ADAM23: variants seen among roughly 807,000 people sequenced by gnomAD.
ADAM23 encodes the protein ADAM metallopeptidase domain 23.
In ADAM23, 33 loss-of-function variants were observed where a neutral mutation model predicts 120.1. The ratio of observed to expected loss-of-function variants is 0.27; its 90% confidence interval spans 0.21 to 0.37. The LOEUF is 0.37. ADAM23 is among the 10% of genes least tolerant of loss of function. ADAM23 has a pLI of 1.00. For synonymous variants in ADAM23, 367 were observed against 375.2 expected (o/e 0.98, Z 0.25); for missense variants, 862 against 1,058.2 (o/e 0.81, Z 2.57).
intron 6 of ADAM23, among the ~76,000 whole-genome samples, chr2:206,543,603 C>G (rs1468229006): frequency 6.6e-6 from 1 of 152,110 alleles, no homozygotes. Flanking sequence ...ATTAGCCAGC[C>G]TCCTTACTTT....
chr2:206,605,345 T>C (rs1205832988), intron 24 of ADAM23, among the ~76,000 whole-genome samples: 1 of 152,240 alleles, frequency 6.6e-6, no homozygotes, highest in Admixed American at 6.5e-5. Flanking sequence ...TAAGGATCTT[T>C]GCAAAACTGA....
rs137944479 is a variant in ADAM23, at chr2:206,559,966, G to T, written c.1017G>T (p.Glu339Asp). The change falls in exon 11 of 26, where the codon GAG (glutamate) becomes GAT (aspartate). Residue 339 changes from glutamate (E) to aspartate (D), a missense_variant. Transcript: ENST00000264377. ...TTGTATACCCTCAGATTTACAAGGA[G>T]CAGCTCAACACCAGGGTTGTCCTGG... Reference protein sequence around the residue: ...VVNLVDSIYKEQLNTRVVLVA... With the variant: ...VVNLVDSIYKDQLNTRVVLVA... 28 of 1,613,258 alleles carry T rather than the reference G, an allele frequency of 1.7e-5. No homozygotes were observed. The highest frequency in any genetic ancestry group is 2.2e-5 in the Non-Finnish European group (26 of 1,179,636).
chr2:206,585,893 C>T (rs1266985947), intron 18 of ADAM23, among the ~76,000 whole-genome samples: 1 of 152,130 alleles, frequency 6.6e-6, no homozygotes. Context: ...CCCTTAAAGC[C>T]CTTATCCTAA....
chr2:206,484,407 C>A (rs1387894947), intron 3 of ADAM23, among the ~76,000 whole-genome samples: 3 of 152,078 alleles, frequency 2.0e-5, no homozygotes, highest in Non-Finnish European at 4.4e-5. Context: ...TTGTGTATTT[C>A]TTTCTGGTGT....
intron 15 of ADAM23, among the ~76,000 whole-genome samples, chr2:206,570,307 A>G (rs1375816768): frequency 6.6e-6 from 1 of 152,208 alleles, no homozygotes; most frequent in East Asian, 1.9e-4. Context: ...ACATTTGGCT[A>G]TGACTGAAGC....
intron 9 of ADAM23, among the ~76,000 whole-genome samples, chr2:206,553,260 T>C (rs901442498): frequency 6.6e-6 from 1 of 151,750 alleles, no homozygotes; most frequent in African/African-American, 2.4e-5. Context: ...TACATACACA[T>C]ATACATATAC....
At chr2:206,570,839 C>G in intron 16 of ADAM23, 28 bp downstream of exon 16, 1 of 1,585,652 alleles carries the variant, frequency 6.3e-7, no homozygotes, top group Non-Finnish European at 8.7e-7. Flanking sequence ...TCTATACTTA[C>G]AGCACAGATC....
intron 13 of ADAM23, among the ~76,000 whole-genome samples, chr2:206,563,948 T>G (rs1045592529): frequency 8.6e-5 from 13 of 152,030 alleles, no homozygotes; most frequent in African/African-American, 3.1e-4. Flanking sequence ...GCCAGTATGG[T>G]CTCGATCTCC....
chr2:206,568,967 C>T (rs1046499484), intron 15 of ADAM23, among the ~76,000 whole-genome samples: 1 of 152,166 alleles, frequency 6.6e-6, no homozygotes, highest in Non-Finnish European at 1.5e-5. Flanking sequence ...ACAGGACTTT[C>T]AAAGTGACCT....
At chr2:206,501,817 A>G (rs1214922222) in intron 3 of ADAM23, among the ~76,000 whole-genome samples, 1 of 152,124 alleles carries the variant, frequency 6.6e-6, no homozygotes, top group African/African-American at 2.4e-5. Context: ...CTGTCTGTTA[A>G]GAGAGAAGTT....
intron 22 of ADAM23, among the ~76,000 whole-genome samples, chr2:206,594,501 A>C (rs73983052): frequency 6.6e-6 from 1 of 152,290 alleles, no homozygotes; most frequent in African/African-American, 2.4e-5. Context: ...CTTTGTGCAA[A>C]TGACATTTTT....
At chr2:206,606,601 T>A (rs996993033) in intron 24 of ADAM23, 1 of 152,182 alleles carries the variant, frequency 6.6e-6, no homozygotes, top group Admixed American at 6.5e-5. Flanking sequence ...TAAATAAATA[T>A]ATTGTGTGCC....
At chr2:206,573,309 T>C in intron 18 of ADAM23, 114 bp downstream of exon 18, 1 of 986,636 alleles carries the variant, frequency 1.0e-6, no homozygotes, top group Non-Finnish European at 1.6e-6. Flanking sequence ...GATTTTGGAA[T>C]ATTTGCATAT....
At chr2:206,461,682 A>T (rs1184100869) in intron 2 of ADAM23, among the ~76,000 whole-genome samples, 2 of 152,124 alleles carry the variant, frequency 1.3e-5, no homozygotes, top group Non-Finnish European at 2.9e-5. Flanking sequence ...TTTGTTCTCT[A>T]GAATCCCTTA....
At chr2:206,573,604 C>G (rs1410737375) in intron 18 of ADAM23, among the ~76,000 whole-genome samples, 1 of 151,620 alleles carries the variant, frequency 6.6e-6, no homozygotes, top group African/African-American at 2.4e-5. Flanking sequence ...TGTACTTATT[C>G]ACACCTAATT....
intron 22 of ADAM23, among the ~76,000 whole-genome samples, chr2:206,593,435 A>G (rs1448721106): frequency 6.6e-6 from 1 of 152,220 alleles, no homozygotes; most frequent in Non-Finnish European, 1.5e-5. Context: ...TACTTTTAGT[A>G]TCCTTAGAGT....
chr2:206,583,290 T>G (rs1482981781), intron 18 of ADAM23, among the ~76,000 whole-genome samples: 1 of 152,032 alleles, frequency 6.6e-6, no homozygotes. Flanking sequence ...CCGTCTCTAC[T>G]AAAAATACAA....
At chr2:206,616,744 A>G (rs1337424036) in intron 25 of ADAM23, among the ~76,000 whole-genome samples, 1 of 152,068 alleles carries the variant, frequency 6.6e-6, no homozygotes, top group Non-Finnish European at 1.5e-5. Flanking sequence ...GCACCCGCCC[A>G]GTATGCAGAC....
chr2:206,560,260 C>A, intron 11 of ADAM23, 142 bp downstream of exon 11: 1 of 873,608 alleles, frequency 1.1e-6, no homozygotes, highest in Non-Finnish European at 1.7e-6. Flanking sequence ...AGATAAGAAG[C>A]ATGGAGTTAG....
Sources: allele counts gnomAD v4.1 joint callset (sites outside exome capture counted in the v4.1 genomes callset), GRCh38; gene constraint gnomAD v4.1.1; transcripts MANE v1.5; gene names NCBI Gene and HGNC (gene_info 2026-07-23, HGNC 2026-07-21).